SLC35E2B: variants seen among roughly 807,000 people sequenced by gnomAD.
SLC35E2B encodes solute carrier family 35, member E2B.
A neutral mutation model predicts 32.4 loss-of-function variants in SLC35E2B; 18 were observed. The ratio of observed to expected loss-of-function variants is 0.56; its 90% CI spans 0.38 to 0.82. The LOEUF (loss-of-function observed/expected upper bound fraction) is 0.82. Among genes scored for constraint, SLC35E2B ranks in the 40% least tolerant of loss-of-function variants. SLC35E2B has a pLI of 0.00. For synonymous variants in SLC35E2B, 132 were observed against 209.1 expected, an observed-to-expected ratio of 0.63 and a Z score of 3.18; for missense variants, 263 against 469.5, an observed-to-expected ratio of 0.56 and a Z score of 4.06.
Position 1,683,704 on chromosome 1 carries a change from C to CCCCTACCCCCGCTCTCCAGGG in SLC35E2B, c.-147-6879_-147-6859dup, listed in dbSNP as rs1261043781. On this transcript the variant is annotated intron_variant, in intron 2 of 9. Coordinates refer to ENST00000617444, the MANE Select transcript of SLC35E2B (RefSeq NM_001290264.2). Reference sequence around the variant, plus strand: ...CACCTGGTGTTCTGGCGACCAGTCCCCCCTACCCCCGCTCTCCAGGGCCCC... The same window carrying CCCCTACCCCCGCTCTCCAGGG: ...CACCTGGTGTTCTGGCGACCAGTCCCCCCTACCCCCGCTCTCCAGGGCCCTACCCCCGCTCTCCAGGGCCCC... Among the ~76,000 whole-genome samples the CCCCTACCCCCGCTCTCCAGGG allele has an allele frequency of 2.0e-4, 31 of 152,032 alleles. No homozygotes were observed. The East Asian group carries it at 6.0e-3, about 29-fold the overall frequency.
intron 2 of SLC35E2B, among the ~76,000 whole-genome samples, chr1:1,687,198 A>C (rs1299440121): frequency 2.0e-5 from 3 of 152,306 alleles, no homozygotes; most frequent in Admixed American, 2.0e-4. Context: ...GCACACACAC[A>C]CCCCAACACA....
chr1:1,689,307 C>A (rs1458505481), intron 2 of SLC35E2B, among the ~76,000 whole-genome samples: 1 of 152,038 alleles, frequency 6.6e-6, no homozygotes, highest in Non-Finnish European at 1.5e-5. Flanking sequence ...GGATTCTGAT[C>A]TCATTATCAG....
At position 1,666,010 on chromosome 1, in the gene SLC35E2B, G is replaced by A. The variant is rs1413733287; in HGVS notation, c.990C>T (p.Ser330=). 6.4e-7 allele frequency: 1 copy of A among 1,550,586 alleles called. No homozygotes were observed. The highest frequency in any genetic ancestry group is 1.2e-5 in the South Asian group (1 of 84,038). Residue 330 remains serine, a synonymous_variant, in exon 10 of 10, where the codon AGC becomes AGT. Transcript: ENST00000617444. ...KISPVTFSVA[S]TVKHALSIWL... ...AGATGGACAAGGCATGTTTCACGGT[G>A]CTGGCGACGCTGCGGAGGCAAGGGG...
chr1:1,683,764 T>C (rs1197652550), intron 2 of SLC35E2B, among the ~76,000 whole-genome samples: 1 of 152,014 alleles, frequency 6.6e-6, no homozygotes, highest in East Asian at 1.9e-4. Flanking sequence ...TCAGGTGTGA[T>C]CAGCATAAGC....
At chr1:1,678,866 C>T (rs555794952) in intron 2 of SLC35E2B, among the ~76,000 whole-genome samples, 84 of 152,286 alleles carry the variant, frequency 5.5e-4, no homozygotes, top group South Asian at 2.5e-3. Context: ...GCCAGTTTCC[C>T]GGACTGATGG....
At chr1:1,679,342 A>G (rs1411809269) in intron 2 of SLC35E2B, among the ~76,000 whole-genome samples, 1 of 152,136 alleles carries the variant, frequency 6.6e-6, no homozygotes, top group Admixed American at 6.5e-5. Flanking sequence ...AGAAACTCAC[A>G]GCATCCCAGG....
chr1:1,684,325 TGA>T (rs1238919707), intron 2 of SLC35E2B, among the ~76,000 whole-genome samples: 2 of 152,076 alleles, frequency 1.3e-5, no homozygotes, highest in African/African-American at 4.8e-5. Flanking sequence ...CCACCGGAAG[TGA>T]GAGAGAGGAC....
rs185163161 is a variant in SLC35E2B, at chr1:1,683,626, G to A, written c.-147-6780C>T. ...TTTAATCTCCACCTTCGCTCGCTGC[G>A]TCCCTGAGGTTGGCGGGTGGGGCTC... On this transcript the variant is annotated intron_variant, in intron 2 of 9. Coordinates refer to ENST00000617444, the MANE Select transcript of SLC35E2B (RefSeq NM_001290264.2). Among the ~76,000 whole-genome samples the A allele has an allele frequency of 5.6e-3, 851 of 151,948 alleles. 11 individuals are homozygous for A. The highest frequency in any genetic ancestry group is 0.02 in the African/African-American group (810 of 41,320).
chr1:1,667,913 T>C (rs1016440215), intron 9 of SLC35E2B, among the ~76,000 whole-genome samples: 8 of 151,238 alleles, frequency 5.3e-5, no homozygotes, highest in Admixed American at 3.3e-4. Context: ...AGTGCAGTGG[T>C]GAGATCTCAA....
intron 9 of SLC35E2B, among the ~76,000 whole-genome samples, chr1:1,666,734 GGGAGGCTGGGCGTGGGGGCTCATGTGTA>G (rs1643555795): frequency 7.9e-5 from 12 of 151,710 alleles, no homozygotes; most frequent in East Asian, 7.8e-4. Flanking sequence ...CCAGCACTGT[GGGAGGCTGGGCGTGGGGGCTCATGTGTA>G]TAACCCCAGC....
In SLC35E2B at chr1:1,689,812, C is replaced by A. The variant is rs565761776; in HGVS notation, c.-148+1164G>T. Among the ~76,000 whole-genome samples the A allele has an allele frequency of 4.6e-5, 7 of 150,820 alleles. No individual in the cohort carries two copies. In the South Asian group the frequency reaches 1.5e-3, roughly 32 times the overall value. The stretch of plus-strand genomic sequence containing the variant: ...GACCAGCCTGACCAACATGGTGAAA[C>A]CCTGTTTCTACTAAAAATACAAAAA... On this transcript the variant is annotated intron_variant, in intron 2 of 9. Coordinates refer to ENST00000617444, the MANE Select transcript of SLC35E2B (RefSeq NM_001290264.2).
chr1:1,681,967 C>T (rs531824620), intron 2 of SLC35E2B, among the ~76,000 whole-genome samples: 284 of 122,110 alleles, frequency 2.3e-3, no homozygotes, highest in African/African-American at 7.6e-3. Flanking sequence ...CCAGCCTGGG[C>T]GACAGAGCAA....
chr1:1,670,219 G>C, intron 6 of SLC35E2B, 68 bp from the exon 7 acceptor site: 1 of 1,175,998 alleles, frequency 8.5e-7, no homozygotes, highest in South Asian at 1.3e-5. Context: ...GGGAGAAGGT[G>C]TCTGCGCTCA....
At chr1:1,668,496 T>C (rs1427716469) in intron 8 of SLC35E2B, 24 bp from the exon 9 acceptor site, 3 of 1,614,082 alleles carry the variant, frequency 1.9e-6, no homozygotes, top group Non-Finnish European at 2.5e-6. Flanking sequence ...AAAAGGGTAC[T>C]CTATCGGTTT....
At chr1:1,673,243 C>T (rs1315990543) in intron 5 of SLC35E2B, 10 of 438,574 alleles carry the variant, frequency 2.3e-5, no homozygotes, top group African/African-American at 6.1e-5. Context: ...TGCTCATACA[C>T]GCACTGAGGG....
chr1:1,688,952 A>G (rs1315858646), intron 2 of SLC35E2B, among the ~76,000 whole-genome samples: 1 of 151,868 alleles, frequency 6.6e-6, no homozygotes, highest in Non-Finnish European at 1.5e-5. Context: ...TGGGCGCATC[A>G]CGAGGTCAGG....
At chr1:1,667,198 A>C (rs1312490017) in intron 9 of SLC35E2B, among the ~76,000 whole-genome samples, 1 of 145,052 alleles carries the variant, frequency 6.9e-6, no homozygotes, top group Non-Finnish European at 1.5e-5. Context: ...CAAGGTCAGG[A>C]GATCGAGACC....
intron 9 of SLC35E2B, among the ~76,000 whole-genome samples, chr1:1,667,990 T>C (rs1643588327): frequency 6.6e-6 from 1 of 151,748 alleles, no homozygotes; most frequent in African/African-American, 2.4e-5. Flanking sequence ...GTAGCTGGGA[T>C]TACAGGTGCC....
At chr1:1,672,060 T>A (rs1643708728) in intron 5 of SLC35E2B, 1 of 154,282 alleles carries the variant, frequency 6.5e-6, no homozygotes, top group Non-Finnish European at 1.4e-5. Flanking sequence ...CAAAAAACTT[T>A]TACGTGAAGG....
Sources: gnomAD v4.1 joint callset for allele counts (sites outside exome capture counted in the v4.1 genomes callset) on GRCh38, gnomAD v4.1.1 for gene constraint, MANE v1.5 for transcripts, NCBI Gene and HGNC (gene_info 2026-07-23, HGNC 2026-07-21) for gene names.